Variants in ATPAF2 observed in about 807,000 individuals in gnomAD.
The protein encoded by ATPAF2 is ATP synthase mitochondrial F1 complex assembly factor 2.
A neutral mutation model predicts 36.6 loss-of-function variants in ATPAF2; 30 were observed. The observed-to-expected ratio is 0.82, with a 90% CI of 0.61 to 1.11. The LOEUF is 1.11. ATPAF2 is among the 50% of genes most tolerant of loss of function. The probability of loss-of-function intolerance (pLI) is 0.00; values close to 1 mark genes in which losing one functional copy is unlikely to be tolerated. For synonymous variants in ATPAF2, 140 were observed against 152.6 expected, an observed-to-expected ratio of 0.92 and a Z score of 0.61; for missense variants, 321 against 372.3, an observed-to-expected ratio of 0.86 and a Z score of 1.13.
chr17:18,029,583 ATTTAT>A (rs1450097331), intron 1 of ATPAF2, among the ~76,000 whole-genome samples: 3 of 151,796 alleles, frequency 2.0e-5, no homozygotes, highest in Admixed American at 1.3e-4. Context: ...TGCTTTATTT[ATTTAT>A]TTTATTATTA....
intron 7 of ATPAF2, 52 bp downstream of exon 7, chr17:18,021,071 A>G: frequency 1.3e-6 from 2 of 1,576,930 alleles, no homozygotes; most frequent in Non-Finnish European, 1.7e-6. Context: ...GCTCCCCCAA[A>G]GTGAGTCTGA....
At chr17:18,026,270 G>A (rs2044543960) in intron 4 of ATPAF2, 49 bp downstream of exon 4, 2 of 1,529,334 alleles carry the variant, frequency 1.3e-6, no homozygotes, top group East Asian at 4.5e-5. Flanking sequence ...GGGCAAATCA[G>A]GAAAAATAGC....
rs147889525 is a variant in ATPAF2, at chr17:18,018,064, C to T, written c.*485G>A. The T allele has an allele frequency of 5.4e-4, 97 of 178,596 alleles. No homozygotes were observed. Among genetic ancestry groups the T allele is most frequent in the Non-Finnish European group, 8.2e-4 (68 of 82,654 alleles). 11.1% of individuals were successfully genotyped at this position (178,596 alleles called of 1,614,324 possible). On this transcript the variant is annotated 3_prime_UTR_variant, in exon 8 of 8. Coordinates refer to ENST00000474627, the MANE Select transcript of ATPAF2 (RefSeq NM_145691.4). ...TGATTAAAAGCCAGCCAAAAAAAAGCCTTCAGGCTGAGGCTGAAGAACACA... is the reference window on the plus strand; with the variant it reads ...TGATTAAAAGCCAGCCAAAAAAAAGTCTTCAGGCTGAGGCTGAAGAACACA...
At chr17:18,034,067 C>T (rs2044672549) in intron 1 of ATPAF2, among the ~76,000 whole-genome samples, 1 of 151,478 alleles carries the variant, frequency 6.6e-6, no homozygotes, top group African/African-American at 2.4e-5. Flanking sequence ...TGCAGTGAGC[C>T]ATGAACACAC....
chr17:18,026,185 G>A (rs1725341644), intron 4 of ATPAF2, 134 bp downstream of exon 4: 1 of 869,106 alleles, frequency 1.2e-6, no homozygotes, highest in East Asian at 2.5e-5. Flanking sequence ...GCAGCCAAGT[G>A]CCAAAGTCAA....
At chr17:18,023,127 C>T (rs966877111) in intron 5 of ATPAF2, among the ~76,000 whole-genome samples, 1 of 104,774 alleles carries the variant, frequency 9.5e-6, no homozygotes, top group Non-Finnish European at 2.0e-5. Context: ...AGACTCCTTT[C>T]AAAAAAAAAA....
At chr17:18,019,294 C>G (rs1782017362) in intron 7 of ATPAF2, among the ~76,000 whole-genome samples, 1 of 152,200 alleles carries the variant, frequency 6.6e-6, no homozygotes, top group Admixed American at 6.5e-5. Context: ...AGTGGCTGCC[C>G]ACCCACCACT....
At chr17:18,023,310 C>T (rs2044498341) in intron 5 of ATPAF2, among the ~76,000 whole-genome samples, 1 of 151,750 alleles carries the variant, frequency 6.6e-6, no homozygotes, top group African/African-American at 2.4e-5. Context: ...CGCCTGTAAT[C>T]CCAGCTACTT....
At position 18,024,616 on chromosome 17, in the gene ATPAF2, C is replaced by G; in HGVS notation, c.503+8G>C. ...AGTCAGTGCTTTCTGCAGGGCTGTA[C>G]ATCTTACCTTTTCTCAGCCCATTCG... On this transcript the variant is annotated splice_region_variant and intron_variant, in intron 5 of 7. Transcript: ENST00000474627. 1.2e-6 allele frequency: 2 copies of G among 1,612,774 alleles called. No homozygotes were observed. The highest frequency in any genetic ancestry group is 2.2e-5 in the South Asian group (2 of 91,048).
rs1185215441 is a variant in ATPAF2 at position 18,018,637 on chromosome 17, T to G, written c.782A>C (p.Glu261Ala). The change falls in exon 8 of 8, where the codon GAG (glutamate) becomes GCG (alanine). Residue 261 changes from glutamate (E) to alanine (A), a missense_variant. Glu to Ala is a moderately radical substitution (Grantham distance 107, BLOSUM62 -1). Around this residue, in one of 3 missense-constraint regions of ATPAF2, gnomAD observed 199 missense variants for 220.6 expected, o/e 0.90. Coordinates refer to ENST00000474627, the MANE Select transcript of ATPAF2 (RefSeq NM_145691.4). Reference sequence around the variant, plus strand: ...GCCGGCGGCGGTGCGGGCCCGCAGCTCCTGCAGCTCATAGTCATGGGCCCA... The same window carrying G: ...GCCGGCGGCGGTGCGGGCCCGCAGCGCCTGCAGCTCATAGTCATGGGCCCA... ...IEWAHDYELQ[E>A]LRARTAAGTL... 1.2e-6 allele frequency: 2 copies of G among 1,614,040 alleles called. No individual in the cohort carries two copies. The highest frequency in any genetic ancestry group is 2.2e-5 in the South Asian group (2 of 91,082).
chr17:18,016,859 A>G, downstream of ATPAF2: 1 of 443,218 alleles, frequency 2.3e-6, no homozygotes, highest in Non-Finnish European at 4.0e-6. Context: ...CTCATTTCAC[A>G]TTTCCCCTAC....
In ATPAF2 at chr17:18,018,439, C is replaced by A. The variant is rs2044416066; in HGVS notation, c.*110G>T. 6.7e-7 allele frequency: 1 copy of A among 1,482,702 alleles called. No individual in the cohort carries two copies. The highest frequency in any genetic ancestry group is 1.4e-5 in the African/African-American group (1 of 72,396). 91.8% of individuals were successfully genotyped at this position (1,482,702 alleles called of 1,614,324 possible). A position where few individuals can be genotyped will look rare whatever the true frequency, so the allele number is the denominator to read the frequency against. The stretch of plus-strand genomic sequence containing the variant: ...GGGGAATCTCAGGGTGACGCTGAGG[C>A]CGAGTCCCCAAAAGCCAAGGAAGCC... On this transcript the variant is annotated 3_prime_UTR_variant, in exon 8 of 8. Coordinates refer to ENST00000474627, the MANE Select transcript of ATPAF2 (RefSeq NM_145691.4).
At chr17:18,031,466 G>T (rs1597676049) in intron 1 of ATPAF2, among the ~76,000 whole-genome samples, 1 of 151,984 alleles carries the variant, frequency 6.6e-6, no homozygotes, top group African/African-American at 2.4e-5. Context: ...ATACAAGAGT[G>T]AATAAAATAG....
intron 1 of ATPAF2, among the ~76,000 whole-genome samples, chr17:18,028,922 G>A (rs2044587440): frequency 6.6e-6 from 1 of 152,074 alleles, no homozygotes; most frequent in African/African-American, 2.4e-5. Context: ...CTGGGGACAA[G>A]TCTGATCAGG....
At chr17:18,033,300 T>G (rs988391687) in intron 1 of ATPAF2, among the ~76,000 whole-genome samples, 2 of 150,218 alleles carry the variant, frequency 1.3e-5, no homozygotes, top group Non-Finnish European at 1.5e-5. Flanking sequence ...AGGCGGAGGT[T>G]GTAGTGAACC....
intron 1 of ATPAF2, among the ~76,000 whole-genome samples, chr17:18,031,732 A>T (rs1352843917): frequency 6.6e-6 from 1 of 152,164 alleles, no homozygotes; most frequent in Non-Finnish European, 1.5e-5. Flanking sequence ...GTGAGCTGAG[A>T]TCGCACCACT....
chr17:18,027,599 C>CA (rs1185844573), intron 3 of ATPAF2, among the ~76,000 whole-genome samples: 2 of 152,202 alleles, frequency 1.3e-5, no homozygotes, highest in Non-Finnish European at 2.9e-5. Context: ...CCCAAGGTTA[C>CA]AGTTTAGAAG....
At position 18,026,347 on chromosome 17, in the gene ATPAF2, C is replaced by T. The variant is rs766680238; in HGVS notation, c.394G>A (p.Val132Met). The stretch of plus-strand genomic sequence containing the variant: ...ATGGTGTCGGTGTCCAGAAACTTCA[C>T]GGCTGCCCGGATCAGCTGATCCTTG... ...RNKDQLIRAA[V>M]KFLDTDTICY... The change falls in exon 4 of 8, where the codon GTG (valine) becomes ATG (methionine). Residue 132 changes from valine to methionine, a missense_variant. Physicochemically the swap from Val to Met is conservative, Grantham distance 21. Around this residue, in one of 3 missense-constraint regions of ATPAF2, gnomAD observed 199 missense variants for 220.6 expected, o/e 0.90. Transcript: ENST00000474627. 34 of 1,614,166 alleles carry T rather than the reference C, an allele frequency of 2.1e-5. No individual in the cohort carries two copies. The East Asian group carries it at 3.1e-4, about 15-fold the overall frequency.
chr17:18,035,848 G>A (rs565697559), intron 1 of ATPAF2, among the ~76,000 whole-genome samples: 2 of 152,322 alleles, frequency 1.3e-5, no homozygotes, highest in South Asian at 2.1e-4. Flanking sequence ...CTAATGCCTC[G>A]GAGGTGATAG....
Sources: allele counts gnomAD v4.1 joint callset (sites outside exome capture counted in the v4.1 genomes callset), GRCh38; gene constraint gnomAD v4.1.1; regional missense constraint gnomAD v4.1.1; transcripts MANE v1.5; gene names NCBI Gene and HGNC (gene_info 2026-07-23, HGNC 2026-07-21).